Variants in PCDHA10 observed in about 807,000 individuals in gnomAD.
The protein encoded by PCDHA10 is protocadherin alpha 10.
In PCDHA10, 45 loss-of-function variants were observed where a neutral mutation model predicts 61.2. The observed-to-expected ratio is 0.74, with a 90% CI of 0.58 to 0.94. The LOEUF (loss-of-function observed/expected upper bound fraction) is 0.94, where lower values mean the gene tolerates loss of function less well. PCDHA10 is among the 40% of genes least tolerant of loss of function. The probability of loss-of-function intolerance (pLI) is 0.00; values close to 1 mark genes in which losing one functional copy is unlikely to be tolerated. For synonymous variants in PCDHA10, 602 were observed against 548.8 expected (o/e 1.10, Z -1.35); for missense variants, 1,278 against 1,236.2 (o/e 1.03, Z -0.51).
intron 1 of PCDHA10, among the ~76,000 whole-genome samples, chr5:140,957,031 TG>T (rs1436652232): frequency 6.6e-6 from 1 of 152,182 alleles, no homozygotes; most frequent in Non-Finnish European, 1.5e-5. Flanking sequence ...TAGATATTTA[TG>T]GGAGTCATAT....
intron 1 of PCDHA10, among the ~76,000 whole-genome samples, chr5:140,919,795 A>T (rs1554199259): frequency 6.6e-6 from 1 of 152,070 alleles, no homozygotes; most frequent in Non-Finnish European, 1.5e-5. Flanking sequence ...CTTGTGGTGG[A>T]TTGAATTGTG....
Position 140,877,583 on chromosome 5 carries a change from T to C in PCDHA10, c.2388+19147T>C. On this transcript the variant is annotated intron_variant, in intron 1 of 3. Transcript: ENST00000307360. ...ATTAACGTGTACCTCATCATCGCCA[T>C]CTGTGCGGTGTCCAGCCTGCTGGTG... 6.2e-7 allele frequency: 1 copy of C among 1,613,816 alleles called. No homozygotes were observed. Among genetic ancestry groups the C allele is most frequent in the Admixed American group, 1.7e-5 (1 of 60,032 alleles).
intron 1 of PCDHA10, among the ~76,000 whole-genome samples, chr5:140,880,789 A>G (rs917582554): frequency 1.3e-5 from 2 of 152,230 alleles, no homozygotes; most frequent in African/African-American, 4.8e-5. Flanking sequence ...TAGAGGAGTA[A>G]TATAAATAGG....
Position 140,858,272 on chromosome 5 carries a change from G to A in PCDHA10, c.2224G>A (p.Ala742Thr). ...GAAGCCCACGCTGGTGTGCTCTAGC[G>A]CGGTGGGGAGCTGGTCTTACTCGCA... is the stretch of plus-strand genomic sequence containing the variant. ...PVKPTLVCSS[A>T]VGSWSYSQQR... The change falls in exon 1 of 4, where the codon GCG becomes ACG. Residue 742 changes from alanine to threonine, a missense_variant. Ala to Thr is a moderately conservative substitution (Grantham distance 58). Coordinates refer to ENST00000307360, the MANE Select transcript of PCDHA10 (RefSeq NM_018901.4). 6.3e-7 allele frequency: 1 copy of A among 1,597,346 alleles called. No individual in the cohort carries two copies. Among genetic ancestry groups the A allele is most frequent in the Non-Finnish European group, 8.6e-7 (1 of 1,167,082 alleles).
chr5:140,972,552 T>G (rs1247039171), intron 1 of PCDHA10, among the ~76,000 whole-genome samples: 1 of 152,160 alleles, frequency 6.6e-6, no homozygotes, highest in Admixed American at 6.5e-5. Flanking sequence ...CAGTGAGGAT[T>G]CTGAAGTAAC....
At chr5:140,967,056 G>C in intron 1 of PCDHA10, 1 of 1,612,712 alleles carries the variant, frequency 6.2e-7, no homozygotes, top group Non-Finnish European at 8.5e-7. Flanking sequence ...CTGACGAGTG[G>C]AGCGCTCTTC....
At chr5:140,919,516 A>G (rs1207061379) in intron 1 of PCDHA10, among the ~76,000 whole-genome samples, 2 of 152,078 alleles carry the variant, frequency 1.3e-5, no homozygotes. Flanking sequence ...TATATGTTTT[A>G]ATTCTCTTTT....
intron 1 of PCDHA10, among the ~76,000 whole-genome samples, chr5:140,912,772 A>T (rs897864498): frequency 1.3e-5 from 2 of 152,190 alleles, no homozygotes; most frequent in South Asian, 4.1e-4. Flanking sequence ...ACTTTGAGGT[A>T]TGTCCCTTCT....
intron 3 of PCDHA10, among the ~76,000 whole-genome samples, chr5:141,003,070 G>A (rs1588007737): frequency 6.6e-6 from 1 of 152,232 alleles, no homozygotes; most frequent in South Asian, 2.1e-4. Flanking sequence ...AAATGCAGAT[G>A]AGGGTGAGTT....
In PCDHA10 at chr5:141,010,126, C is replaced by A; in HGVS notation, c.*189C>A. The A allele has an allele frequency of 6.2e-7, 1 of 1,602,364 alleles. No homozygotes were observed. The highest frequency in any genetic ancestry group is 1.1e-5 in the South Asian group (1 of 89,898). ...TTTTGTCGTAAAAGCTTTACTAAGT[C>A]TGGTGTTAACTCTTTCTCTCCACTC... On this transcript the variant is annotated 3_prime_UTR_variant, in exon 4 of 4. Coordinates refer to ENST00000307360, the MANE Select transcript of PCDHA10 (RefSeq NM_018901.4).
intron 1 of PCDHA10, chr5:140,875,846 A>T: frequency 6.2e-7 from 1 of 1,614,176 alleles, no homozygotes. Context: ...GAGGTGAAGG[A>T]CATTAACGAC....
At chr5:140,865,241 T>C (rs1581737051) in intron 1 of PCDHA10, 1 of 152,220 alleles carries the variant, frequency 6.6e-6, no homozygotes, top group Non-Finnish European at 1.5e-5. Context: ...AACACGTATT[T>C]ATAGCTGTAA....
At chr5:140,934,228 G>A (rs1238284158) in intron 1 of PCDHA10, among the ~76,000 whole-genome samples, 2 of 151,884 alleles carry the variant, frequency 1.3e-5, no homozygotes, top group African/African-American at 4.8e-5. Flanking sequence ...TAAAAGATTT[G>A]TACTTAATTG....
At chr5:140,902,687 T>C (rs552973135) in intron 1 of PCDHA10, among the ~76,000 whole-genome samples, 184 of 152,262 alleles carry the variant, frequency 1.2e-3, no homozygotes, top group African/African-American at 4.2e-3. Context: ...GTACCTAATA[T>C]GTGTAGTCTT....
intron 1 of PCDHA10, chr5:140,869,322 C>T (rs1169893950): frequency 1.9e-6 from 3 of 1,613,818 alleles, no homozygotes; most frequent in East Asian, 4.5e-5. Flanking sequence ...CACATGGGGA[C>T]CTTCTGGAGG....
chr5:140,907,037 A>G (rs2073120356), intron 1 of PCDHA10, among the ~76,000 whole-genome samples: 1 of 152,202 alleles, frequency 6.6e-6, no homozygotes, highest in Non-Finnish European at 1.5e-5. Flanking sequence ...ATAATGTCAC[A>G]GGGACAGTAA....
At chr5:140,906,278 C>A (rs546102354) in intron 1 of PCDHA10, among the ~76,000 whole-genome samples, 1 of 152,152 alleles carries the variant, frequency 6.6e-6, no homozygotes, top group Admixed American at 6.6e-5. Flanking sequence ...AGATAATCTT[C>A]AAATTAAGAC....
At chr5:140,928,157 C>T (rs782528366) in intron 1 of PCDHA10, 9 of 1,614,200 alleles carry the variant, frequency 5.6e-6, no homozygotes, top group Non-Finnish European at 7.6e-6. Flanking sequence ...GATAGTGGCT[C>T]ACCCCCACTT....
intron 1 of PCDHA10, among the ~76,000 whole-genome samples, chr5:140,919,250 T>G (rs1471325437): frequency 6.6e-6 from 1 of 152,236 alleles, no homozygotes; most frequent in African/African-American, 2.4e-5. Flanking sequence ...TTGTCTGTTT[T>G]GTCTGATATT....
Sources: allele counts gnomAD v4.1 joint callset (sites outside exome capture counted in the v4.1 genomes callset), GRCh38; gene constraint gnomAD v4.1.1; transcripts MANE v1.5; gene names NCBI Gene and HGNC (gene_info 2026-07-23, HGNC 2026-07-21).